Variants in PRH1 observed in about 807,000 individuals in gnomAD.
The protein encoded by PRH1 is salivary acidic proline-rich phosphoprotein 1/2.
Under a neutral mutation model 7.9 loss-of-function variants are expected in PRH1, and 7 were observed. The observed-to-expected ratio is 0.89, with a 90% CI of 0.50 to 1.67. The LOEUF (loss-of-function observed/expected upper bound fraction) is 1.67, where lower values mean the gene tolerates loss of function less well. Among genes scored for constraint, PRH1 ranks in the 40% most tolerant of loss-of-function variants. The pLI, the probability that PRH1 is intolerant of heterozygous loss-of-function variation, is 0.00. For missense variants in PRH1, 109 were observed against 223.6 expected (o/e 0.49, Z 3.27); for synonymous variants, 45 against 80.8 (o/e 0.56, Z 2.38).
chr12:11,027,838 C>G (rs1028780389), intron 1 of PRH1, among the ~76,000 whole-genome samples: 4 of 152,218 alleles, frequency 2.6e-5, no homozygotes, highest in African/African-American at 9.7e-5. Flanking sequence ...ATTCTCTCTT[C>G]AGCAGACAAG....
intron 2 of PRH1, among the ~76,000 whole-genome samples, chr12:10,922,479 T>C (rs1950059529): frequency 6.6e-6 from 1 of 152,238 alleles, no homozygotes; most frequent in African/African-American, 2.4e-5. Context: ...TTTACTACTT[T>C]ACATTCTACG....
intron 1 of PRH1, among the ~76,000 whole-genome samples, chr12:10,977,273 A>AT (rs1939148193): frequency 6.6e-6 from 1 of 152,246 alleles, no homozygotes; most frequent in Non-Finnish European, 1.5e-5. Flanking sequence ...ATGCAGATCA[A>AT]TAAGTGTGCT....
At chr12:11,073,132 AT>A (rs1329594279) in intron 1 of PRH1, among the ~76,000 whole-genome samples, 1 of 111,890 alleles carries the variant, frequency 8.9e-6, no homozygotes, top group Non-Finnish European at 2.1e-5. Flanking sequence ...CCATTTATTT[AT>A]TTATATATTT....
chr12:11,157,042 T>G, intron 1 of PRH1, among the ~76,000 whole-genome samples: 1 of 151,958 alleles, frequency 6.6e-6, no homozygotes, highest in Non-Finnish European at 1.5e-5. Context: ...GAGATGGGGT[T>G]TCACCATGTT....
At chr12:11,147,563 T>G (rs953642781) in intron 1 of PRH1, among the ~76,000 whole-genome samples, 1 of 152,216 alleles carries the variant, frequency 6.6e-6, no homozygotes, top group Non-Finnish European at 1.5e-5. Context: ...ATCGATGTTA[T>G]ATGAAGAACC....
rs74062410 is a variant in PRH1 at position 10,964,234 on chromosome 12, C to T, written c.-59+9421G>A. 6.4e-3 allele frequency among the ~76,000 whole-genome samples: 981 copies of T among 152,156 alleles called. 11 individuals are homozygous for T. The highest frequency in any genetic ancestry group is 0.022 in the African/African-American group (934 of 41,520). On this transcript the variant is annotated intron_variant, in intron 2 of 3. Coordinates refer to the PRH1 transcript ENST00000539853. ...TATTGCCACTCTCTCTTAAGTGTTT[C>T]ATATACACATACACATGCATATATA...
intron 1 of PRH1, among the ~76,000 whole-genome samples, chr12:11,164,930 G>A (rs900445655): frequency 6.6e-5 from 10 of 151,912 alleles, no homozygotes; most frequent in Non-Finnish European, 1.5e-5. Flanking sequence ...CCCCTTTGCA[G>A]TGCATTCTAC....
chr12:11,148,932 G>A (rs1390712643), intron 1 of PRH1, among the ~76,000 whole-genome samples: 1 of 142,802 alleles, frequency 7.0e-6, no homozygotes, highest in Non-Finnish European at 1.5e-5. Flanking sequence ...CTTTTTGGTT[G>A]GTAAGCTATT....
chr12:11,102,521 C>T (rs1416805977), intron 1 of PRH1, among the ~76,000 whole-genome samples: 1 of 152,188 alleles, frequency 6.6e-6, no homozygotes, highest in African/African-American at 2.4e-5. Flanking sequence ...CCATTCCTTA[C>T]ACCTTATACA....
At chr12:11,032,297 A>C (rs1942259690) in intron 1 of PRH1, among the ~76,000 whole-genome samples, 1 of 152,216 alleles carries the variant, frequency 6.6e-6, no homozygotes, top group Non-Finnish European at 1.5e-5. Flanking sequence ...AAATTCTCAA[A>C]GGGAGCTTGG....
chr12:10,899,021 C>T (rs960281369), intron 2 of PRH1, among the ~76,000 whole-genome samples: 4 of 152,196 alleles, frequency 2.6e-5, no homozygotes, highest in Non-Finnish European at 5.9e-5. Flanking sequence ...TTAACGCCTG[C>T]CCTGCTGTGT....
intron 1 of PRH1, among the ~76,000 whole-genome samples, chr12:10,990,084 C>G (rs1939856434): frequency 6.6e-6 from 1 of 152,054 alleles, no homozygotes; most frequent in South Asian, 2.1e-4. Flanking sequence ...TATTACAGAG[C>G]TATAGTAACC....
At chr12:10,981,508 G>A (rs1939354727) in intron 1 of PRH1, among the ~76,000 whole-genome samples, 1 of 151,260 alleles carries the variant, frequency 6.6e-6, no homozygotes, top group South Asian at 2.1e-4. Context: ...CAAGTGGCTT[G>A]GATTACAGGT....
chr12:11,133,753 C>G lies in PRH1; in HGVS notation n.40-12573G>C, dbSNP rs1341868918. ...ACATTGCACTCCTCAATTTGATCTT[C>G]CAAGTCACGTTTCCTTCATATTCTT... On this transcript the variant is annotated intron_variant and non_coding_transcript_variant, in intron 1 of 1. Coordinates refer to the PRH1 transcript ENST00000541175. The G allele has an allele frequency of 2.5e-6, 4 of 1,614,174 alleles. No homozygotes were observed. Among genetic ancestry groups the G allele is most frequent in the Non-Finnish European group, 8.5e-7 (1 of 1,180,018 alleles).
At chr12:11,065,475 A>G (rs554594079) in intron 1 of PRH1, among the ~76,000 whole-genome samples, 1 of 152,204 alleles carries the variant, frequency 6.6e-6, no homozygotes, top group South Asian at 2.1e-4. Context: ...CTGACCCTCT[A>G]GCCTTATATT....
Position 10,916,734 on chromosome 12 carries a change from T to C in PRH1, c.-58-32459A>G, listed in dbSNP as rs1243700111. 5.3e-5 allele frequency among the ~76,000 whole-genome samples: 8 copies of C among 151,676 alleles called. No homozygotes were observed. The East Asian group carries it at 1.5e-3, about 29-fold the overall frequency. On this transcript the variant is annotated intron_variant, in intron 2 of 3. Transcript: ENST00000539853. ...TACCTGAAAAAAAGTGCCACAGAAA[T>C]GGATTAGTGTTATCATCAACAAATA...
downstream of PRH1, among the ~76,000 whole-genome samples, chr12:11,116,388 C>T (rs1383279555): frequency 6.6e-6 from 1 of 151,764 alleles, no homozygotes; most frequent in African/African-American, 2.4e-5. Context: ...ATTAATTCTG[C>T]AATAAAAAGT....
intron 2 of PRH1, among the ~76,000 whole-genome samples, chr12:10,918,208 C>G (rs190217689): frequency 6.6e-6 from 1 of 151,880 alleles, no homozygotes; most frequent in African/African-American, 2.4e-5. Flanking sequence ...CAACACTTAG[C>G]GGGCATGTTG....
chr12:11,055,446 T>C (rs185419463), intron 1 of PRH1, among the ~76,000 whole-genome samples: 29 of 152,414 alleles, frequency 1.9e-4, no homozygotes, highest in African/African-American at 6.3e-4. Context: ...TGATTTCTGA[T>C]TGTGCAGTAA....
Sources: gnomAD v4.1 joint callset for allele counts (sites outside exome capture counted in the v4.1 genomes callset) on GRCh38, gnomAD v4.1.1 for gene constraint, MANE v1.5 for transcripts, NCBI Gene and HGNC (gene_info 2026-07-23, HGNC 2026-07-21) for gene names.